ZNF66: variants seen among roughly 807,000 people sequenced by gnomAD.
The protein encoded by ZNF66 is zinc finger protein 66.
In ZNF66, 32 loss-of-function variants were observed where a neutral mutation model predicts 35.2. The ratio of observed to expected loss-of-function variants is 0.91; its 90% confidence interval spans 0.69 to 1.22. ZNF66 has a LOEUF of 1.22. Among genes scored for constraint, ZNF66 ranks in the 50% most tolerant of loss-of-function variants. The pLI is 0.00. For synonymous variants in ZNF66, 231 were observed against 181.3 expected, an observed-to-expected ratio of 1.27 and a Z score of -2.20; for missense variants, 666 against 543.1, an observed-to-expected ratio of 1.23 and a Z score of -2.25.
intron 1 of ZNF66, among the ~76,000 whole-genome samples, chr19:20,786,277 C>CATGT (rs1971286296): frequency 6.6e-6 from 1 of 152,198 alleles, no homozygotes; most frequent in Non-Finnish European, 1.5e-5. Context: ...GAGTTCTCTA[C>CATGT]AATCACTTCT....
chr19:20,793,332 C>CTTTTTTTTTTTTTTTTTT (rs781748526), intron 2 of ZNF66, among the ~76,000 whole-genome samples: 2 of 84,610 alleles, frequency 2.4e-5, no homozygotes, highest in Non-Finnish European at 4.3e-5. Context: ...CTTTTCTTTT[C>CTTTTTTTTTTTTTTTTTT]TTTTTTTTTT....
intron 1 of ZNF66, among the ~76,000 whole-genome samples, chr19:20,787,028 T>C (rs1971292936): frequency 6.6e-6 from 1 of 152,206 alleles, no homozygotes; most frequent in Non-Finnish European, 1.5e-5. Context: ...CCCAAAGTGC[T>C]GGGATTACAG....
chr19:20,788,605 A>G (rs1398447418), intron 1 of ZNF66, among the ~76,000 whole-genome samples: 1 of 151,926 alleles, frequency 6.6e-6, no homozygotes, highest in Non-Finnish European at 1.5e-5. Flanking sequence ...GGGTTTCACC[A>G]TCTTGGTCAG....
At chr19:20,799,056 T>C (rs1416230296) in intron 3 of ZNF66, 3 of 120,730 alleles carry the variant, frequency 2.5e-5, no homozygotes, top group African/African-American at 9.9e-5. Flanking sequence ...TCTTTCTTTT[T>C]CTTTCTTTCT....
intron 3 of ZNF66, among the ~76,000 whole-genome samples, chr19:20,797,397 G>A (rs112371141): frequency 7.1e-6 from 1 of 141,090 alleles, no homozygotes; most frequent in Non-Finnish European, 1.6e-5. Flanking sequence ...TAGTAGAGAC[G>A]GGGTTTCACC....
At chr19:20,794,828 A>G (rs1368354467) in intron 3 of ZNF66, among the ~76,000 whole-genome samples, 1 of 146,540 alleles carries the variant, frequency 6.8e-6, no homozygotes, top group Non-Finnish European at 1.5e-5. Context: ...TGTACTGTTT[A>G]TGGTTTTTTA....
intron 3 of ZNF66, among the ~76,000 whole-genome samples, chr19:20,801,717 C>G (rs1420291336): frequency 6.6e-6 from 1 of 152,038 alleles, no homozygotes; most frequent in Non-Finnish European, 1.5e-5. Context: ...GCTTGAACCT[C>G]CCAAACTCAG....
chr19:20,794,001 T>TTTTTTTTG (rs1568497174), intron 3 of ZNF66, 123 bp downstream of exon 3: 5 of 532,364 alleles, frequency 9.4e-6, no homozygotes, highest in Non-Finnish European at 9.9e-6. Context: ...GGGCAGCTGT[T>TTTTTTTTG]TTTTTTGTTT....
rs1568501823 is a variant in ZNF66, at chr19:20,806,829, C to T, written c.1229C>T (p.Ser410Phe). 1 of 1,316,354 alleles carries T rather than the reference C, an allele frequency of 7.6e-7. No homozygotes were observed. Among genetic ancestry groups the T allele is most frequent in the Non-Finnish European group, 1.1e-6 (1 of 911,522 alleles). 81.5% of individuals were successfully genotyped at this position (1,316,354 alleles called of 1,614,324 possible). A position where few individuals can be genotyped will look rare whatever the true frequency, so the allele number is the denominator to read the frequency against. The change falls in exon 4 of 4, where the codon TCT becomes TTT. Residue 410 changes from serine (S) to phenylalanine (F), a missense_variant. Ser to Phe is a radical substitution (Grantham distance 155). Transcript: ENST00000344519. ...TGTGGCAAAGTGTTTAAGCACTCCT[C>T]TCCCCTTTCTAAACATAAGAGAATT... ...EECGKVFKHS[S>F]PLSKHKRIHT... is the part of the protein sequence containing the mutation.
chr19:20,801,979 G>A (rs539889907), intron 3 of ZNF66, among the ~76,000 whole-genome samples: 1 of 145,758 alleles, frequency 6.9e-6, no homozygotes, highest in Admixed American at 6.8e-5. Flanking sequence ...TGAATGATGT[G>A]GTGACAGAAA....
Position 20,806,585 on chromosome 19 carries a change from A to C in ZNF66, c.985A>C (p.Thr329Pro), listed in dbSNP as rs1359539965. 6.3e-7 allele frequency: 1 copy of C among 1,592,498 alleles called. No homozygotes were observed. Among genetic ancestry groups the C allele is most frequent in the Admixed American group, 1.7e-5 (1 of 59,964 alleles). ...AGCCTTCAACTGGTCCTCACACCTT[A>C]CTACACATAAGAGAATTCATACTGG... is the stretch of plus-strand genomic sequence containing the variant. ...GKAFNWSSHL[T>P]THKRIHTGEK... is the part of the protein sequence containing the mutation. Residue 329 changes from threonine (T) to proline (P), a missense_variant, in exon 4 of 4, where the codon ACT becomes CCT. Coordinates refer to ENST00000344519, the MANE Select transcript of ZNF66 (RefSeq NM_001355197.2).
intron 3 of ZNF66, among the ~76,000 whole-genome samples, chr19:20,795,281 A>G (rs1971381061): frequency 6.6e-6 from 1 of 152,144 alleles, no homozygotes; most frequent in Non-Finnish European, 1.5e-5. Flanking sequence ...TGGTGTCTGA[A>G]TTTGATGGAG....
chr19:20,803,224 A>C (rs927594954), intron 3 of ZNF66, among the ~76,000 whole-genome samples: 1 of 151,728 alleles, frequency 6.6e-6, no homozygotes, highest in African/African-American at 2.4e-5. Flanking sequence ...ATAATTATAT[A>C]TATTTAAATA....
At chr19:20,799,057 CTTTCTTTCTT>C (rs1971422619) in intron 3 of ZNF66, 1 of 118,494 alleles carries the variant, frequency 8.4e-6, no homozygotes, top group Non-Finnish European at 1.8e-5. Context: ...CTTTCTTTTT[CTTTCTTTCTT>C]TTTTTTTTTT....
chr19:20,806,418 CT>C lies in ZNF66; in HGVS notation c.819del (p.Thr274HisfsTer32), dbSNP rs752622504. ...GCCTTTAAGCGCTCCTCTATCCTTA[CT>C]ACACATAAGAGAATTCATACTGGAG... ...GKAFKRSSIL[T>X]THKRIHTGEK... On this transcript the variant is annotated frameshift_variant, in exon 4 of 4. Transcript: ENST00000344519. LOFTEE classifies it high-confidence loss of function. 5.1e-6 allele frequency: 8 copies of C among 1,561,808 alleles called. No homozygotes were observed. Among genetic ancestry groups the C allele is most frequent in the Non-Finnish European group, 6.2e-6 (7 of 1,133,538 alleles).
At chr19:20,780,893 A>C (rs1222248364) in intron 1 of ZNF66, among the ~76,000 whole-genome samples, 1 of 151,884 alleles carries the variant, frequency 6.6e-6, no homozygotes, top group Non-Finnish European at 1.5e-5. Flanking sequence ...ATTCCCACCC[A>C]CTCACAAACA....
intron 1 of ZNF66, among the ~76,000 whole-genome samples, chr19:20,787,326 A>T (rs10401414): frequency 0.093 from 14,140 of 152,020 alleles, 666 homozygotes; most frequent in Middle Eastern, 0.11. Context: ...AGCCTTTTTT[A>T]ATATATATAT....
intron 1 of ZNF66, among the ~76,000 whole-genome samples, chr19:20,779,494 T>C (rs1272535960): frequency 1.3e-5 from 2 of 152,132 alleles, no homozygotes; most frequent in African/African-American, 4.8e-5. Context: ...TTCAGGAGCC[T>C]GAGGGAGGGA....
chr19:20,776,433 C>G lies in ZNF66; in HGVS notation c.-15C>G. 1.9e-6 allele frequency: 3 copies of G among 1,559,178 alleles called. No homozygotes were observed. Among genetic ancestry groups the G allele is most frequent in the Non-Finnish European group, 2.7e-6 (3 of 1,132,012 alleles). Reference sequence around the variant, plus strand: ...ATCCACAGCTAAGACGCCAGGACCCCCTGGAAGCCTAGAAATGGTGAGAGT... The same window carrying G: ...ATCCACAGCTAAGACGCCAGGACCCGCTGGAAGCCTAGAAATGGTGAGAGT... On this transcript the variant is annotated 5_prime_UTR_variant, in exon 1 of 4. Transcript: ENST00000344519.
Sources: gnomAD v4.1 joint callset for allele counts (sites outside exome capture counted in the v4.1 genomes callset) on GRCh38, gnomAD v4.1.1 for gene constraint, MANE v1.5 for transcripts, NCBI Gene and HGNC (gene_info 2026-07-23, HGNC 2026-07-21) for gene names.